The following FHIT variants were observed in gnomAD, a reference collection of about 807,000 sequenced individuals.
The protein encoded by FHIT is bis(5'-adenosyl)-triphosphatase.
A neutral mutation model predicts 17.9 loss-of-function variants in FHIT; 19 were observed. The ratio of observed to expected loss-of-function variants is 1.06; its 90% confidence interval spans 0.74 to 1.56. The LOEUF (loss-of-function observed/expected upper bound fraction) is 1.56, where lower values mean the gene tolerates loss of function less well. FHIT is among the 40% of genes most tolerant of loss of function. The pLI, the probability that FHIT is intolerant of heterozygous loss-of-function variation, is 0.00. For missense variants in FHIT, 248 were observed against 189.2 expected, an observed-to-expected ratio of 1.31 and a Z score of -1.82; for synonymous variants, 81 against 69.7, an observed-to-expected ratio of 1.16 and a Z score of -0.81.
intron 4 of FHIT, among the ~76,000 whole-genome samples, chr3:60,723,391 T>C (rs1330254972): frequency 6.6e-6 from 1 of 152,174 alleles, no homozygotes; most frequent in East Asian, 1.9e-4. Flanking sequence ...TCCTAAATTA[T>C]AGAGTGGCCA....
chr3:60,474,004 G>T (rs1013982832), intron 5 of FHIT, among the ~76,000 whole-genome samples: 1 of 152,050 alleles, frequency 6.6e-6, no homozygotes, highest in African/African-American at 2.4e-5. Flanking sequence ...CATTATTTTG[G>T]AAACATTTAA....
intron 3 of FHIT, among the ~76,000 whole-genome samples, chr3:61,035,143 T>A (rs1016473747): frequency 6.6e-6 from 1 of 152,030 alleles, no homozygotes; most frequent in Non-Finnish European, 1.5e-5. Context: ...TTTGGGGAAA[T>A]GAGGAGAAGC....
intron 5 of FHIT, among the ~76,000 whole-genome samples, chr3:60,373,964 G>A (rs965446718): frequency 4.6e-5 from 7 of 152,092 alleles, no homozygotes; most frequent in African/African-American, 9.7e-5. Context: ...CACAGAAGGC[G>A]GAATCTCTAG....
At chr3:60,561,592 A>C (rs1014559514) in intron 4 of FHIT, among the ~76,000 whole-genome samples, 1 of 152,150 alleles carries the variant, frequency 6.6e-6, no homozygotes, top group African/African-American at 2.4e-5. Flanking sequence ...GAAATGAAGA[A>C]AAAGTTCAGG....
At chr3:60,224,806 C>T (rs1179757441) in intron 5 of FHIT, among the ~76,000 whole-genome samples, 2 of 151,808 alleles carry the variant, frequency 1.3e-5, no homozygotes, top group African/African-American at 2.4e-5. Context: ...CTGAAAACTC[C>T]GGCTCCCAGG....
chr3:60,208,200 G>A (rs1051701210), intron 5 of FHIT, among the ~76,000 whole-genome samples: 4 of 152,178 alleles, frequency 2.6e-5, no homozygotes, highest in Non-Finnish European at 5.9e-5. Context: ...TACTGATGAC[G>A]TGTTAAGCTG....
intron 4 of FHIT, among the ~76,000 whole-genome samples, chr3:60,593,326 G>A (rs551611512): frequency 7.6e-4 from 116 of 152,188 alleles, no homozygotes; most frequent in Non-Finnish European, 1.3e-3. Context: ...ATATTACAAA[G>A]AATAGCACTA....
intron 4 of FHIT, among the ~76,000 whole-genome samples, chr3:60,539,733 T>A (rs1008278216): frequency 6.6e-6 from 1 of 151,932 alleles, no homozygotes; most frequent in Non-Finnish European, 1.5e-5. Context: ...TAGGTGGGAA[T>A]TGAACAATGA....
chr3:60,719,995 C>A (rs772896453), intron 4 of FHIT, among the ~76,000 whole-genome samples: 1 of 152,156 alleles, frequency 6.6e-6, no homozygotes, highest in Admixed American at 6.5e-5. Flanking sequence ...CCAGGAAAAG[C>A]AAATGTGATC....
At chr3:59,778,128 A>G (rs1702413435) in intron 8 of FHIT, among the ~76,000 whole-genome samples, 1 of 152,046 alleles carries the variant, frequency 6.6e-6, no homozygotes, top group Non-Finnish European at 1.5e-5. Context: ...TCACCCCTCT[A>G]TCCCCCAGTG....
chr3:59,768,317 G>A (rs554380763), intron 8 of FHIT, among the ~76,000 whole-genome samples: 1 of 152,294 alleles, frequency 6.6e-6, no homozygotes, highest in Non-Finnish European at 1.5e-5. Context: ...CACAGTAGCA[G>A]GCCTTTACCA....
chr3:60,813,166 C>T (rs1553736578), intron 4 of FHIT, among the ~76,000 whole-genome samples: 1 of 150,808 alleles, frequency 6.6e-6, no homozygotes, highest in East Asian at 2.0e-4. Flanking sequence ...TGAGTTTGGC[C>T]CTCTCATTGG....
chr3:60,996,883 G>A (rs569449469), intron 3 of FHIT, among the ~76,000 whole-genome samples: 12 of 152,326 alleles, frequency 7.9e-5, no homozygotes, highest in East Asian at 7.7e-4. Context: ...GGCATATGCC[G>A]TATTTAGTGT....
intron 3 of FHIT, among the ~76,000 whole-genome samples, chr3:60,965,449 A>C (rs1396226152): frequency 1.3e-5 from 2 of 152,216 alleles, no homozygotes; most frequent in African/African-American, 4.8e-5. Flanking sequence ...TGTCAAAGTC[A>C]TTCTCCATCC....
chr3:59,774,639 C>A (rs1031529230), intron 8 of FHIT, among the ~76,000 whole-genome samples: 1 of 152,134 alleles, frequency 6.6e-6, no homozygotes, highest in Non-Finnish European at 1.5e-5. Flanking sequence ...ATTGTAATGA[C>A]ACATTTTTGC....
intron 4 of FHIT, among the ~76,000 whole-genome samples, chr3:60,599,453 G>T (rs2038372585): frequency 6.6e-6 from 1 of 152,058 alleles, no homozygotes; most frequent in Non-Finnish European, 1.5e-5. Context: ...TTTGAGTACG[G>T]ATCTAAAATT....
chr3:60,582,940 G>C (rs2107682257), intron 4 of FHIT, among the ~76,000 whole-genome samples: 1 of 152,036 alleles, frequency 6.6e-6, no homozygotes, highest in Non-Finnish European at 1.5e-5. Flanking sequence ...AAAAGTAGCT[G>C]AGCTAGGACT....
At chr3:60,211,751 A>T (rs1377215332) in intron 5 of FHIT, among the ~76,000 whole-genome samples, 4 of 152,124 alleles carry the variant, frequency 2.6e-5, no homozygotes, top group African/African-American at 7.2e-5. Context: ...GGTTGAAATG[A>T]AATAAGGATG....
chr3:60,708,358 G>T (rs1194913284), intron 4 of FHIT, among the ~76,000 whole-genome samples: 2 of 152,134 alleles, frequency 1.3e-5, no homozygotes, highest in African/African-American at 4.8e-5. Flanking sequence ...CCTACCAAAA[G>T]CACATTCATT....
Sources: allele counts gnomAD v4.1 joint callset (sites outside exome capture counted in the v4.1 genomes callset), GRCh38; gene constraint gnomAD v4.1.1; transcripts MANE v1.5; gene names NCBI Gene and HGNC (gene_info 2026-07-23, HGNC 2026-07-21).